Variants in GLI2 observed in about 807,000 individuals in gnomAD.
GLI2 encodes transcription activator GLI2.
In GLI2, 22 loss-of-function variants were observed where a neutral mutation model predicts 78.9. The observed-to-expected ratio is 0.28, with a 90% CI of 0.20 to 0.40. The LOEUF (loss-of-function observed/expected upper bound fraction) is 0.40, where lower values mean the gene tolerates loss of function less well. GLI2 is among the 10% of genes least tolerant of loss of function. The probability of loss-of-function intolerance (pLI) is 1.00; values close to 1 mark genes in which losing one functional copy is unlikely to be tolerated. For synonymous variants in GLI2, 974 were observed against 963.7 expected (o/e 1.01, Z -0.20); for missense variants, 2,097 against 2,213.2 (o/e 0.95, Z 1.05).
chr2:120,768,980 C>G (rs543689618), intron 1 of GLI2, among the ~76,000 whole-genome samples: 87 of 152,320 alleles, frequency 5.7e-4, no homozygotes, highest in African/African-American at 2.0e-3. Context: ...ATTCATTCAA[C>G]CAGGAACTTT....
At chr2:120,781,992 C>A (rs908105966) in intron 1 of GLI2, among the ~76,000 whole-genome samples, 4 of 151,784 alleles carry the variant, frequency 2.6e-5, no homozygotes, top group Non-Finnish European at 4.4e-5. Context: ...AGTTCATTTT[C>A]CTAGTTGCAG....
rs992221217 is a variant in GLI2, at chr2:120,735,914, G to C, written c.-402G>C. 3.9e-5 allele frequency among the ~76,000 whole-genome samples: 6 copies of C among 151,960 alleles called. No homozygotes were observed. The highest frequency in any genetic ancestry group is 8.8e-5 in the Non-Finnish European group (6 of 67,964). On this transcript the variant is annotated 5_prime_UTR_variant, in exon 1 of 14. Coordinates refer to ENST00000361492, the MANE Select transcript of GLI2 (RefSeq NM_001374353.1). Reference sequence around the variant, plus strand: ...CGGCGCTTGCCAGCCGAGGCAGCACGGCTCCGCGGACTTTTTTTCAAACTC... The same window carrying C: ...CGGCGCTTGCCAGCCGAGGCAGCACCGCTCCGCGGACTTTTTTTCAAACTC...
rs1024021009 is a variant in GLI2 at position 120,943,146 on chromosome 2, G to A, written c.255-8097G>A. Reference sequence around the variant, plus strand: ...TATCTGGTCATCAGCTGAGATGGACGTGCTCAGGTCAGAGGAAGGAGCCAC... The same window carrying A: ...TATCTGGTCATCAGCTGAGATGGACATGCTCAGGTCAGAGGAAGGAGCCAC... On this transcript the variant is annotated intron_variant, in intron 3 of 13. Transcript: ENST00000361492. Among the ~76,000 whole-genome samples, 24 of 152,334 alleles carry A rather than the reference G, an allele frequency of 1.6e-4. No homozygotes were observed. The East Asian group carries it at 3.5e-3, about 22-fold the overall frequency.
rs1459718287 is a variant in GLI2, at chr2:120,991,879, G to A, written c.*1204G>A. The A allele has an allele frequency of 6.6e-6, 1 of 152,222 alleles. No individual in the cohort carries two copies. The allele number at this position is 152,222 out of a possible 1,614,324, so 9.4% of individuals were successfully genotyped here. A position where few individuals can be genotyped will look rare whatever the true frequency, so the allele number is the denominator to read the frequency against. On this transcript the variant is annotated 3_prime_UTR_variant, in exon 14 of 14. Coordinates refer to ENST00000361492, the MANE Select transcript of GLI2 (RefSeq NM_001374353.1). ...GGAAGGGGTTGATCCTCAGGACTCT[G>A]AGGGAGCATCGTTGAATTTTCCTGT...
intron 2 of GLI2, among the ~76,000 whole-genome samples, chr2:120,848,673 A>C (rs1176760260): frequency 6.6e-6 from 1 of 152,138 alleles, no homozygotes. Flanking sequence ...CTGCATTTCT[A>C]CTAAAAATAG....
intron 2 of GLI2, among the ~76,000 whole-genome samples, chr2:120,799,668 G>A (rs1464422037): frequency 6.6e-6 from 1 of 152,216 alleles, no homozygotes; most frequent in Non-Finnish European, 1.5e-5. Context: ...TGTGTCGAGA[G>A]TGGATTTGAC....
At chr2:120,816,827 G>C (rs976191862) in intron 2 of GLI2, among the ~76,000 whole-genome samples, 3 of 152,172 alleles carry the variant, frequency 2.0e-5, no homozygotes, top group African/African-American at 7.2e-5. Flanking sequence ...TAGAAAAGAG[G>C]AGGGTATTTT....
chr2:120,777,178 C>T (rs545580831), intron 1 of GLI2, among the ~76,000 whole-genome samples: 31 of 152,126 alleles, frequency 2.0e-4, no homozygotes, highest in African/African-American at 7.0e-4. Flanking sequence ...TATGACTATG[C>T]GTGTGTGTGA....
At chr2:120,820,993 C>T (rs1323108428) in intron 2 of GLI2, among the ~76,000 whole-genome samples, 1 of 152,078 alleles carries the variant, frequency 6.6e-6, no homozygotes, top group Non-Finnish European at 1.5e-5. Flanking sequence ...TGTGTGGCCT[C>T]CCGGTGGTTT....
rs1440123401 is a variant in GLI2 at position 120,736,009 on chromosome 2, G to A, written c.-307G>A. 2.0e-5 allele frequency among the ~76,000 whole-genome samples: 3 copies of A among 151,920 alleles called. No individual in the cohort carries two copies. Among genetic ancestry groups the A allele is most frequent in the Middle Eastern group, 3.2e-3 (1 of 314 alleles). ...CGACTGCGAACGCGGAGGAAGGCCAGGAGCCGCAGGAGGAGCCGGAGGAAA... is the reference window on the plus strand; with the variant it reads ...CGACTGCGAACGCGGAGGAAGGCCAAGAGCCGCAGGAGGAGCCGGAGGAAA... On this transcript the variant is annotated 5_prime_UTR_variant, in exon 1 of 14. Transcript: ENST00000361492.
At chr2:120,773,347 A>G (rs1683576490) in intron 1 of GLI2, among the ~76,000 whole-genome samples, 1 of 152,064 alleles carries the variant, frequency 6.6e-6, no homozygotes, top group Non-Finnish European at 1.5e-5. Flanking sequence ...TCTGAGAGGA[A>G]AGCCAAGCCC....
chr2:120,829,046 A>T (rs752007976), intron 2 of GLI2, among the ~76,000 whole-genome samples: 7 of 151,986 alleles, frequency 4.6e-5, no homozygotes, highest in African/African-American at 7.3e-5. Flanking sequence ...CACACACCAC[A>T]TGCTCACAGT....
At chr2:120,810,330 T>G (rs1391356240) in intron 2 of GLI2, among the ~76,000 whole-genome samples, 1 of 152,174 alleles carries the variant, frequency 6.6e-6, no homozygotes, top group Non-Finnish European at 1.5e-5. Flanking sequence ...ACATCTGCAG[T>G]GGGCAAGCCC....
intron 2 of GLI2, among the ~76,000 whole-genome samples, chr2:120,835,680 C>T (rs186742741): frequency 4.6e-5 from 7 of 152,268 alleles, no homozygotes; most frequent in Admixed American, 2.6e-4. Context: ...GCCACCGCAT[C>T]GGCCCAGACT....
At chr2:120,959,262 C>G (rs1240898747) in intron 5 of GLI2, among the ~76,000 whole-genome samples, 1 of 152,196 alleles carries the variant, frequency 6.6e-6, no homozygotes, top group Non-Finnish European at 1.5e-5. Flanking sequence ...GGGAACACAT[C>G]TGGCTTCAGG....
chr2:120,770,047 A>C lies in GLI2; in HGVS notation c.-30-27244A>C, dbSNP rs537154922. ...CTGACTGAGAGGAAGCCTGGTGCTC[A>C]GTTCTCCTGGCCCCAGCCCCTAGTG... On this transcript the variant is annotated intron_variant, in intron 1 of 13. Transcript: ENST00000361492. Among the ~76,000 whole-genome samples, 20 of 152,294 alleles carry C rather than the reference A, an allele frequency of 1.3e-4. No individual in the cohort carries two copies. The South Asian group carries it at 3.5e-3, about 27-fold the overall frequency.
In GLI2 at chr2:120,826,121, G is replaced by A. The variant is rs757572641; in HGVS notation, c.148+28653G>A. Among the ~76,000 whole-genome samples, 9 of 152,312 alleles carry A rather than the reference G, an allele frequency of 5.9e-5. No homozygotes were observed. The South Asian group carries it at 1.0e-3, about 18-fold the overall frequency. On this transcript the variant is annotated intron_variant, in intron 2 of 13. Transcript: ENST00000361492. ...GAGACAGCTGCGAGGCTTCCAACCC[G>A]GCTGGGTGGGGTGGGAGGGAGCTGT... is the stretch of plus-strand genomic sequence containing the variant.
rs1682599248 is a variant in GLI2 at position 120,743,178 on chromosome 2, ACT to A, written c.-31+6900_-31+6901del. Among the ~76,000 whole-genome samples the A allele has an allele frequency of 2.0e-5, 3 of 152,112 alleles. No homozygotes were observed. The South Asian group carries it at 6.2e-4, about 32-fold the overall frequency. On this transcript the variant is annotated intron_variant, in intron 1 of 13. Transcript: ENST00000361492. Reference sequence around the variant, plus strand: ...AATGTACCATATCCAGTGGGACTGAACTCTCTCTGCTTTGGGGACCAAGGAAG... The same window carrying A: ...AATGTACCATATCCAGTGGGACTGAACTCTCTGCTTTGGGGACCAAGGAAG...
At chr2:120,978,821 A>T (rs1038171810) in intron 10 of GLI2, among the ~76,000 whole-genome samples, 1 of 152,120 alleles carries the variant, frequency 6.6e-6, no homozygotes, top group African/African-American at 2.4e-5. Flanking sequence ...CTCGGTAAGC[A>T]TGGCAAAAAT....
Sources: allele counts gnomAD v4.1 joint callset (sites outside exome capture counted in the v4.1 genomes callset), GRCh38; gene constraint gnomAD v4.1.1; transcripts MANE v1.5; gene names NCBI Gene and HGNC (gene_info 2026-07-23, HGNC 2026-07-21).